Variants in SLC25A21 observed in about 807,000 individuals in gnomAD.
SLC25A21 encodes solute carrier family 25 member 21, also known as mitochondrial 2-oxodicarboxylate carrier.
Under a neutral mutation model 43.8 loss-of-function variants are expected in SLC25A21, and 47 were observed. That is an observed-to-expected ratio of 1.07 (90% confidence interval 0.85 to 1.37). The LOEUF (loss-of-function observed/expected upper bound fraction) is 1.37, where lower values mean the gene tolerates loss of function less well. SLC25A21 is among the 40% of genes most tolerant of loss of function. SLC25A21 has a pLI of 0.00. For synonymous variants in SLC25A21, 131 were observed against 121.3 expected (o/e 1.08, Z -0.52); for missense variants, 352 against 350.2 (o/e 1.00, Z -0.04).
At chr14:36,804,514 T>C (rs556067246) in intron 3 of SLC25A21, among the ~76,000 whole-genome samples, 14 of 152,270 alleles carry the variant, frequency 9.2e-5, no homozygotes, top group African/African-American at 3.4e-4. Flanking sequence ...AGGGCTCTTA[T>C]GAGTATCAAG....
chr14:36,969,164 T>C (rs1959689375), intron 1 of SLC25A21, among the ~76,000 whole-genome samples: 1 of 152,200 alleles, frequency 6.6e-6, no homozygotes, highest in South Asian at 2.1e-4. Flanking sequence ...ATAATTCTTA[T>C]GTACAAAACA....
At chr14:37,136,484 T>C (rs1454821055) in intron 1 of SLC25A21, among the ~76,000 whole-genome samples, 1 of 152,240 alleles carries the variant, frequency 6.6e-6, no homozygotes, top group African/African-American at 2.4e-5. Context: ...GATGTTGTTA[T>C]AATTAAGTTC....
rs74047036 is a variant in SLC25A21, at chr14:36,881,249, G to C, written c.71-6245C>G. Among the ~76,000 whole-genome samples the C allele has an allele frequency of 6.7e-3, 1,024 of 152,206 alleles. 18 individuals are homozygous for C. Among genetic ancestry groups the C allele is most frequent in the African/African-American group, 0.024 (982 of 41,528 alleles). ...TCATTTAAAATTTTAAAATCAAAATGTTACATCATCTGTGGCCTGCGTATT... is the reference window on the plus strand; with the variant it reads ...TCATTTAAAATTTTAAAATCAAAATCTTACATCATCTGTGGCCTGCGTATT... On this transcript the variant is annotated intron_variant, in intron 1 of 9. Coordinates refer to ENST00000331299, the MANE Select transcript of SLC25A21 (RefSeq NM_030631.4).
rs542825919 is a variant in SLC25A21, at chr14:36,895,010, TTG to T, written c.71-20008_71-20007del. 3.6e-3 allele frequency among the ~76,000 whole-genome samples: 544 copies of T among 152,320 alleles called. 6 individuals carry two copies. The highest frequency in any genetic ancestry group is 0.013 in the African/African-American group (521 of 41,576). ...ATTGGTCTAAAATTCTCTTTTTTGGTTGTGTCTCTGCCAGGCTTTGGTATCAG... is the reference window on the plus strand; with the variant it reads ...ATTGGTCTAAAATTCTCTTTTTTGGTTGTCTCTGCCAGGCTTTGGTATCAG... On this transcript the variant is annotated intron_variant, in intron 1 of 9. Coordinates refer to ENST00000331299, the MANE Select transcript of SLC25A21 (RefSeq NM_030631.4).
chr14:37,103,814 A>C (rs957115006), intron 1 of SLC25A21, among the ~76,000 whole-genome samples: 1 of 152,240 alleles, frequency 6.6e-6, no homozygotes, highest in Non-Finnish European at 1.5e-5. Flanking sequence ...CCTGCTTCTC[A>C]GGATGAGCTT....
intron 1 of SLC25A21, among the ~76,000 whole-genome samples, chr14:36,978,604 T>C: frequency 6.6e-6 from 1 of 152,176 alleles, no homozygotes; most frequent in East Asian, 1.9e-4. Context: ...ATGATACTCC[T>C]GCCTCAAAAT....
At chr14:36,951,237 A>C (rs1480941316) in intron 1 of SLC25A21, among the ~76,000 whole-genome samples, 2 of 16,836 alleles carry the variant, frequency 1.2e-4, no homozygotes, top group East Asian at 9.0e-4. Flanking sequence ...TGCCATTACA[A>C]AAAAAAAAAA....
At chr14:37,019,106 C>T (rs749053181) in intron 1 of SLC25A21, among the ~76,000 whole-genome samples, 2 of 152,040 alleles carry the variant, frequency 1.3e-5, no homozygotes, top group Non-Finnish European at 1.5e-5. Flanking sequence ...ATATTCATGA[C>T]ATTCCTTTGC....
chr14:37,145,470 C>CAG (rs1165586602), intron 1 of SLC25A21, among the ~76,000 whole-genome samples: 22 of 76,308 alleles, frequency 2.9e-4, no homozygotes, highest in African/African-American at 8.7e-4. Flanking sequence ...CACACACACA[C>CAG]ACACACAGAG....
At chr14:36,871,128 C>T (rs745601807) in intron 2 of SLC25A21, among the ~76,000 whole-genome samples, 5 of 151,822 alleles carry the variant, frequency 3.3e-5, no homozygotes, top group Admixed American at 6.6e-5. Flanking sequence ...GCCCCTGCCC[C>T]CCCAAATCCA....
intron 1 of SLC25A21, among the ~76,000 whole-genome samples, chr14:37,010,052 C>G (rs1451715624): frequency 1.3e-5 from 2 of 152,076 alleles, no homozygotes; most frequent in African/African-American, 4.8e-5. Context: ...TATTTATTAC[C>G]CGTGACCTTG....
At chr14:36,824,738 C>A (rs947327541) in intron 2 of SLC25A21, among the ~76,000 whole-genome samples, 10 of 134,834 alleles carry the variant, frequency 7.4e-5, no homozygotes, top group African/African-American at 2.5e-4. Context: ...CAAGCTTTTT[C>A]ATTAGTGAAA....
intron 1 of SLC25A21, among the ~76,000 whole-genome samples, chr14:36,905,996 G>T (rs1048221646): frequency 6.6e-6 from 1 of 152,114 alleles, no homozygotes; most frequent in Non-Finnish European, 1.5e-5. Context: ...GTCACCCAGG[G>T]TTTCCGTTAT....
intron 1 of SLC25A21, among the ~76,000 whole-genome samples, chr14:37,095,313 C>T (rs61200961): frequency 0.1 from 15,406 of 151,950 alleles, 2,505 homozygotes; most frequent in African/African-American, 0.35. Flanking sequence ...AGGTCAGGAG[C>T]TCGAGACCAG....
At chr14:36,909,201 G>A (rs772647341) in intron 1 of SLC25A21, among the ~76,000 whole-genome samples, 1 of 152,152 alleles carries the variant, frequency 6.6e-6, no homozygotes, top group Non-Finnish European at 1.5e-5. Context: ...GAAACCAGTA[G>A]GGACACTTTG....
chr14:36,789,584 G>A (rs1887371697), intron 3 of SLC25A21, among the ~76,000 whole-genome samples: 1 of 149,300 alleles, frequency 6.7e-6, no homozygotes, highest in African/African-American at 2.5e-5. Flanking sequence ...AGGCAAGGTA[G>A]GATAAAAATA....
At chr14:36,732,718 GT>G (rs1406606498) in intron 4 of SLC25A21, among the ~76,000 whole-genome samples, 3 of 151,926 alleles carry the variant, frequency 2.0e-5, no homozygotes, top group African/African-American at 7.3e-5. Context: ...AGTTTATGAT[GT>G]ATGAAATCGT....
At chr14:36,964,200 T>A (rs969604744) in intron 1 of SLC25A21, among the ~76,000 whole-genome samples, 3 of 152,228 alleles carry the variant, frequency 2.0e-5, no homozygotes, top group African/African-American at 7.2e-5. Flanking sequence ...TATTTGTAAT[T>A]GGCACACTGA....
At chr14:37,120,257 C>T (rs1963183464) in intron 1 of SLC25A21, among the ~76,000 whole-genome samples, 1 of 152,162 alleles carries the variant, frequency 6.6e-6, no homozygotes, top group Non-Finnish European at 1.5e-5. Context: ...CACCCACCAC[C>T]TCCAAGTTTT....
Sources: allele counts gnomAD v4.1 joint callset (sites outside exome capture counted in the v4.1 genomes callset), GRCh38; gene constraint gnomAD v4.1.1; transcripts MANE v1.5; gene names NCBI Gene and HGNC (gene_info 2026-07-23, HGNC 2026-07-21).